Variants in CEP192 observed in about 807,000 individuals in gnomAD.
The protein encoded by CEP192 is centrosomal protein of 192 kDa.
CEP192 carries 151 observed loss-of-function variants against 271.8 expected under a neutral mutation model. The ratio of observed to expected loss-of-function variants is 0.56; its 90% CI spans 0.49 to 0.64. The LOEUF (loss-of-function observed/expected upper bound fraction) is 0.64, where lower values mean the gene tolerates loss of function less well. Among genes scored for constraint, CEP192 ranks in the 30% least tolerant of loss-of-function variants. CEP192 has a pLI of 0.00. For synonymous variants in CEP192, 995 were observed against 1,076.5 expected (o/e 0.92, Z 1.48); for missense variants, 2,910 against 3,020.5 (o/e 0.96, Z 0.86).
At chr18:13,063,586 T>A (rs2037523908) in intron 21 of CEP192, among the ~76,000 whole-genome samples, 1 of 152,182 alleles carries the variant, frequency 6.6e-6, no homozygotes, top group South Asian at 2.1e-4. Context: ...CCCATAGAGT[T>A]GTTTGAGCCC....
chr18:13,089,579 C>T lies in CEP192; in HGVS notation c.6103+14C>T, dbSNP rs763128249. ...TAGTAACTGAAGGTAAGAATTCCGG[C>T]GTGTCTTGATGTATTAAATCTTTTG... On this transcript the variant is annotated intron_variant, in intron 33 of 44. Coordinates refer to ENST00000506447, the MANE Select transcript of CEP192 (RefSeq NM_032142.4). 6.3e-6 allele frequency: 8 copies of T among 1,271,906 alleles called. No homozygotes were observed. In the East Asian group the frequency reaches 7.0e-5, roughly 11 times the overall value. The allele number at this position is 1,271,906 out of a possible 1,614,324, so 78.8% of individuals were successfully genotyped here.
intron 30 of CEP192, among the ~76,000 whole-genome samples, chr18:13,074,877 G>A (rs1468009653): frequency 6.6e-6 from 1 of 152,224 alleles, no homozygotes; most frequent in Non-Finnish European, 1.5e-5. Context: ...GCTACTTGCT[G>A]TCCCAACTTA....
In CEP192 at chr18:13,087,615, G is replaced by A; in HGVS notation, c.5962G>A (p.Gly1988Arg). The A allele has an allele frequency of 6.4e-7, 1 of 1,572,396 alleles. No homozygotes were observed. Among genetic ancestry groups the A allele is most frequent in the Non-Finnish European group, 8.6e-7 (1 of 1,157,498 alleles). Residue 1988 changes from glycine to arginine, a missense_variant, in exon 32 of 45, where the codon GGA becomes AGA. By Grantham distance (125) the Gly-to-Arg change is moderately radical. Coordinates refer to ENST00000506447, the MANE Select transcript of CEP192 (RefSeq NM_032142.4). The part of the protein sequence containing the change: ...TELSTVYLFG[G>R]DEISRQQYRR... ...ACTATCAACTGTATACTTATTTGGT[G>A]GAGATGAAATTTCAAGACAGCAGTA...
At chr18:13,099,287 T>C (rs1411777099) in intron 36 of CEP192, among the ~76,000 whole-genome samples, 189 bp from the exon 37 acceptor site, 2 of 151,982 alleles carry the variant, frequency 1.3e-5, no homozygotes, top group Non-Finnish European at 2.9e-5. Flanking sequence ...TTGTAACCCG[T>C]TGAGTCGGGT....
At chr18:12,997,851 A>G (rs937354199) in intron 1 of CEP192, among the ~76,000 whole-genome samples, 7 of 151,996 alleles carry the variant, frequency 4.6e-5, no homozygotes, top group African/African-American at 9.7e-5. Flanking sequence ...TAGCCTCCCA[A>G]ATAGCTGGGA....
intron 15 of CEP192, among the ~76,000 whole-genome samples, chr18:13,047,843 A>G (rs1040795722): frequency 3.3e-5 from 5 of 152,206 alleles, no homozygotes; most frequent in Non-Finnish European, 5.9e-5. Context: ...TGCAATCACA[A>G]TGACTCAGTG....
Position 13,049,336 on chromosome 18 carries a change from AAT to A in CEP192, c.2546_2547del (p.Asn849ArgfsTer4). Reference protein sequence around the residue: ...ENTAAIVYVENGESENQESFR... With the variant: ...ENTAAIVYVEXGESENQESFR... ...CACAGCAGCTATTGTTTATGTTGAAAATGGAGAGAGTGAGAATCAAGAGTCAT... is the reference window on the plus strand; with the variant it reads ...CACAGCAGCTATTGTTTATGTTGAAAGGAGAGAGTGAGAATCAAGAGTCAT... On this transcript the variant is annotated frameshift_variant, in exon 16 of 45. Transcript: ENST00000506447. LOFTEE classifies it high-confidence loss of function. The A allele has an allele frequency of 1.2e-6, 2 of 1,614,160 alleles. No individual in the cohort carries two copies. Among genetic ancestry groups the A allele is most frequent in the Non-Finnish European group, 1.7e-6 (2 of 1,180,016 alleles).
intron 13 of CEP192, among the ~76,000 whole-genome samples, chr18:13,039,934 T>C (rs1313626092): frequency 6.6e-6 from 1 of 152,204 alleles, no homozygotes; most frequent in Non-Finnish European, 1.5e-5. Context: ...CAAGATTTAT[T>C]CTATAGAGTC....
intron 40 of CEP192, among the ~76,000 whole-genome samples, chr18:13,109,364 A>T (rs1402839089): frequency 2.0e-5 from 3 of 152,198 alleles, no homozygotes; most frequent in African/African-American, 7.2e-5. Context: ...GGATATAAAG[A>T]TGACAGCAAT....
rs778757975 is a variant in CEP192, at chr18:13,105,104, A to G, written c.7047+25A>G. The G allele has an allele frequency of 2.6e-6, 4 of 1,512,516 alleles. No individual in the cohort carries two copies. The East Asian group carries it at 9.0e-5, about 34-fold the overall frequency. The allele number at this position is 1,512,516 out of a possible 1,614,324, so 93.7% of individuals were successfully genotyped here. A position where few individuals can be genotyped will look rare whatever the true frequency, so the allele number is the denominator to read the frequency against. On this transcript the variant is annotated intron_variant, in intron 40 of 44. Coordinates refer to ENST00000506447, the MANE Select transcript of CEP192 (RefSeq NM_032142.4). ...AGTAGGTTTTGATATTTTTTTCCATAGGAACATCATGTAAATTGTCCAGGA... is the reference window on the plus strand; with the variant it reads ...AGTAGGTTTTGATATTTTTTTCCATGGGAACATCATGTAAATTGTCCAGGA...
intron 36 of CEP192, among the ~76,000 whole-genome samples, chr18:13,099,133 C>T (rs1045557572): frequency 7.6e-5 from 11 of 145,006 alleles, no homozygotes; most frequent in Non-Finnish European, 1.3e-4. Context: ...GGCAGCAGTA[C>T]AGTCCAGCTT....
chr18:13,074,935 C>T (rs185785059), intron 30 of CEP192, among the ~76,000 whole-genome samples: 19 of 152,282 alleles, frequency 1.2e-4, no homozygotes, highest in Non-Finnish European at 2.2e-4. Flanking sequence ...TTTTGAATAC[C>T]ATAAAGCATG....
At position 13,038,412 on chromosome 18, in the gene CEP192, G is replaced by A. The variant is rs920509759; in HGVS notation, c.1642G>A (p.Asp548Asn). Residue 548 changes from aspartate to asparagine, a missense_variant, in exon 13 of 45, where the codon GAT (aspartate) becomes AAT (asparagine). Asp to Asn is a conservative substitution (Grantham distance 23). Transcript: ENST00000506447. ...TCATAATACTTCGGTTGCACTGGGC[G>A]ATACGTCCTGGGGAGCTACAATTAA... is the stretch of plus-strand genomic sequence containing the variant. The part of the protein sequence containing the change: ...DAHNTSVALG[D>N]TSWGATINYS... 3.9e-6 allele frequency: 6 copies of A among 1,551,504 alleles called. No individual in the cohort carries two copies. The highest frequency in any genetic ancestry group is 2.0e-5 in the Admixed American group (1 of 50,976).
intron 36 of CEP192, among the ~76,000 whole-genome samples, chr18:13,098,424 G>C (rs1396082725): frequency 6.8e-6 from 1 of 146,008 alleles, no homozygotes; most frequent in African/African-American, 2.4e-5. Flanking sequence ...CTTCTCAGAC[G>C]GGGCGGCTGC....
At chr18:12,996,491 A>G (rs971212860) in intron 1 of CEP192, among the ~76,000 whole-genome samples, 1 of 152,090 alleles carries the variant, frequency 6.6e-6, no homozygotes, top group African/African-American at 2.4e-5. Context: ...GCGGTTGAAT[A>G]CCTGAGGTTC....
chr18:13,060,697 T>C (rs539658764), intron 21 of CEP192, among the ~76,000 whole-genome samples: 80 of 151,674 alleles, frequency 5.3e-4, no homozygotes, highest in African/African-American at 1.9e-3. Flanking sequence ...TCAAGGTGGG[T>C]GGATTGCTTG....
At position 13,087,523 on chromosome 18, in the gene CEP192, G is replaced by C. The variant is rs893384764; in HGVS notation, c.5878-8G>C. On this transcript the variant is annotated splice_polypyrimidine_tract_variant and splice_region_variant and intron_variant, in intron 31 of 44. Coordinates refer to ENST00000506447, the MANE Select transcript of CEP192 (RefSeq NM_032142.4). ...TATTTACTCCTGATTTTTTTTTCTT[G>C]GCATCAGAATGTTACTTTAATATAT... is the stretch of plus-strand genomic sequence containing the variant. 2.4e-6 allele frequency: 3 copies of C among 1,267,974 alleles called. No individual in the cohort carries two copies. The African/African-American group carries it at 4.6e-5, about 19-fold the overall frequency. 78.5% of individuals were successfully genotyped at this position (1,267,974 alleles called of 1,614,324 possible).
Position 13,059,237 on chromosome 18 carries a change from T to C in CEP192, c.4413T>C (p.Ala1471=). The part of the protein sequence containing the change: ...SVASWPCSTD[A]ETIVQAEALA... ...CTTCTTGGCCATGTTCGACAGATGCTGAGACCATCGTACAGGCAGAAGCTT... is the reference window on the plus strand; with the variant it reads ...CTTCTTGGCCATGTTCGACAGATGCCGAGACCATCGTACAGGCAGAAGCTT... The change falls in exon 21 of 45, where the codon GCT becomes GCC. Residue 1471 remains alanine (A), a synonymous_variant. Coordinates refer to ENST00000506447, the MANE Select transcript of CEP192 (RefSeq NM_032142.4). 4 of 1,614,222 alleles carry C rather than the reference T, an allele frequency of 2.5e-6. No individual in the cohort carries two copies. In the South Asian group the frequency reaches 4.4e-5, roughly 18 times the overall value.
chr18:13,084,133 G>A lies in CEP192; in HGVS notation c.5617-2884G>A, dbSNP rs574718020. ...TTCTCAGAGCTCAAACGTCATGCTGGGAGAACCACTGCTCTCTTCAGAGCT... is the reference window on the plus strand; with the variant it reads ...TTCTCAGAGCTCAAACGTCATGCTGAGAGAACCACTGCTCTCTTCAGAGCT... On this transcript the variant is annotated intron_variant, in intron 30 of 44. Coordinates refer to ENST00000506447, the MANE Select transcript of CEP192 (RefSeq NM_032142.4). 3.3e-5 allele frequency among the ~76,000 whole-genome samples: 5 copies of A among 152,284 alleles called. No homozygotes were observed. In the East Asian group the frequency reaches 9.7e-4, roughly 30 times the overall value.
Sources: gnomAD v4.1 joint callset for allele counts (sites outside exome capture counted in the v4.1 genomes callset) on GRCh38, gnomAD v4.1.1 for gene constraint, MANE v1.5 for transcripts, NCBI Gene and HGNC (gene_info 2026-07-23, HGNC 2026-07-21) for gene names.